Variants in ARAP2 observed in about 807,000 individuals in gnomAD.
The protein encoded by ARAP2 is ArfGAP with RhoGAP domain, ankyrin repeat and PH domain 2, also known as arf-GAP with Rho-GAP domain, ANK repeat and PH domain-containing protein 2.
A neutral mutation model predicts 194.5 loss-of-function variants in ARAP2; 148 were observed. That is an observed-to-expected ratio of 0.76 (90% CI 0.67 to 0.87). ARAP2 has a LOEUF of 0.87. ARAP2 is among the 40% of genes least tolerant of loss of function. ARAP2 has a pLI of 0.00. For synonymous variants in ARAP2, 695 were observed against 683.5 expected, an observed-to-expected ratio of 1.02 and a Z score of -0.26; for missense variants, 2,128 against 1,989.7, an observed-to-expected ratio of 1.07 and a Z score of -1.32.
intron 8 of ARAP2, among the ~76,000 whole-genome samples, chr4:36,014,646 GTTAT>G (rs1302150825): frequency 2.6e-5 from 4 of 152,134 alleles, no homozygotes; most frequent in African/African-American, 9.7e-5. Flanking sequence ...GGTAACAAAT[GTTAT>G]TTAAATAAAA....
At chr4:36,082,947 G>A (rs1010450078) in intron 29 of ARAP2, among the ~76,000 whole-genome samples, 3 of 152,116 alleles carry the variant, frequency 2.0e-5, no homozygotes, top group Non-Finnish European at 4.4e-5. Flanking sequence ...TACAGAGCCA[G>A]AACCAAAACA....
chr4:36,039,997 T>C (rs926990039), intron 5 of ARAP2, among the ~76,000 whole-genome samples: 2 of 152,152 alleles, frequency 1.3e-5, no homozygotes, highest in Non-Finnish European at 2.9e-5. Context: ...GAGACCACCA[T>C]TAGAAGAAGT....
At chr4:36,158,452 A>C (rs1733104647) in intron 15 of ARAP2, among the ~76,000 whole-genome samples, 1 of 152,188 alleles carries the variant, frequency 6.6e-6, no homozygotes, top group Non-Finnish European at 1.5e-5. Context: ...GCTGAGTTAT[A>C]AAGGAATAAC....
rs1003710413 is a variant in ARAP2, at chr4:36,140,311, C to A, written c.3264-6922G>T. 2.6e-5 allele frequency among the ~76,000 whole-genome samples: 4 copies of A among 151,670 alleles called. No individual in the cohort carries two copies. In the South Asian group the frequency reaches 6.2e-4, roughly 24 times the overall value. On this transcript the variant is annotated intron_variant, in intron 19 of 32. Coordinates refer to ENST00000303965, the MANE Select transcript of ARAP2 (RefSeq NM_015230.4). ...CAAAATTGTTGAAGCAAATAATACACGTTTTAAAATCTACCTTTTGTTAAT... is the reference window on the plus strand; with the variant it reads ...CAAAATTGTTGAAGCAAATAATACAAGTTTTAAAATCTACCTTTTGTTAAT...
intron 1 of ARAP2, among the ~76,000 whole-genome samples, chr4:36,059,056 A>G (rs1261780616): frequency 6.6e-6 from 1 of 152,200 alleles, no homozygotes; most frequent in African/African-American, 2.4e-5. Flanking sequence ...ATGCCTAGTG[A>G]TGCTGAGGAA....
At chr4:36,055,023 TTA>T (rs772684216) in intron 2 of ARAP2, among the ~76,000 whole-genome samples, 6 of 152,218 alleles carry the variant, frequency 3.9e-5, no homozygotes, top group Non-Finnish European at 8.8e-5. Context: ...TGATTGCAGG[TTA>T]TGTCTTTTAA....
Position 36,167,049 on chromosome 4 carries a change from T to C in ARAP2, c.1858-2A>G. ...AATACCAAGTCCACTCTTAAAATCC[T>C]AGTTTGGAGAAAAACATAAAAAACT... On this transcript the variant is annotated splice_acceptor_variant, in intron 9 of 32. Coordinates refer to ENST00000303965, the MANE Select transcript of ARAP2 (RefSeq NM_015230.4). LOFTEE classifies it high-confidence loss of function. 1 of 1,486,284 alleles carries C rather than the reference T, an allele frequency of 6.7e-7. No individual in the cohort carries two copies. Among genetic ancestry groups the C allele is most frequent in the Non-Finnish European group, 9.1e-7 (1 of 1,096,966 alleles). 92.1% of individuals were successfully genotyped at this position (1,486,284 alleles called of 1,614,324 possible). A position where few individuals can be genotyped will look rare whatever the true frequency, so the allele number is the denominator to read the frequency against.
At chr4:36,158,961 A>G (rs899730069) in intron 14 of ARAP2, 97 bp from the exon 15 acceptor site, 1 of 1,148,368 alleles carries the variant, frequency 8.7e-7, no homozygotes, top group Admixed American at 3.2e-5. Context: ...TAGAAGAAAA[A>G]CTACTTCAAA....
intron 18 of ARAP2, 49 bp downstream of exon 18, chr4:36,147,499 T>C (rs760537358): frequency 1.3e-5 from 20 of 1,581,486 alleles, no homozygotes; most frequent in South Asian, 6.9e-5. Context: ...CACTATTGTA[T>C]GCAATAAAGA....
At chr4:36,221,286 T>A (rs1749111196) in intron 2 of ARAP2, among the ~76,000 whole-genome samples, 1 of 152,106 alleles carries the variant, frequency 6.6e-6, no homozygotes, top group Non-Finnish European at 1.5e-5. Context: ...TTTCTCAGAA[T>A]GTGTGGCCAT....
At chr4:36,213,580 C>T (rs1480688739) in intron 3 of ARAP2, among the ~76,000 whole-genome samples, 1 of 152,062 alleles carries the variant, frequency 6.6e-6, no homozygotes, top group Non-Finnish European at 1.5e-5. Context: ...ACATGTCCTT[C>T]CCAACCTCTA....
At chr4:36,142,561 T>C (rs1199090788) in intron 19 of ARAP2, among the ~76,000 whole-genome samples, 3 of 151,488 alleles carry the variant, frequency 2.0e-5, no homozygotes, top group Non-Finnish European at 4.4e-5. Flanking sequence ...TCCAAATCAC[T>C]TATCTTATGG....
intron 5 of ARAP2, among the ~76,000 whole-genome samples, chr4:36,040,559 C>T (rs1277277899): frequency 1.3e-5 from 2 of 151,992 alleles, no homozygotes; most frequent in Admixed American, 1.3e-4. Context: ...GGTCTTTTAC[C>T]TCCCTGGTTA....
chr4:36,192,170 T>G (rs1352921986), intron 7 of ARAP2, among the ~76,000 whole-genome samples: 6 of 3,756 alleles, frequency 1.6e-3, no homozygotes, highest in Non-Finnish European at 3.2e-3. Flanking sequence ...GTGTTTCTGT[T>G]TTTTTTTTTT....
At chr4:36,125,447 G>T (rs1298313238) in intron 21 of ARAP2, among the ~76,000 whole-genome samples, 1 of 151,900 alleles carries the variant, frequency 6.6e-6, no homozygotes, top group African/African-American at 2.4e-5. Context: ...CCAAAGCTAT[G>T]AACTATCCTG....
chr4:36,134,803 G>C (rs1726280675), intron 19 of ARAP2, among the ~76,000 whole-genome samples: 1 of 150,910 alleles, frequency 6.6e-6, no homozygotes, highest in African/African-American at 2.4e-5. Context: ...TCTTTGGCTG[G>C]CTACTCCAAA....
intron 2 of ARAP2, among the ~76,000 whole-genome samples, chr4:36,221,911 T>C (rs1291615002): frequency 1.3e-5 from 2 of 152,130 alleles, no homozygotes; most frequent in African/African-American, 4.8e-5. Flanking sequence ...AAGTAGGACT[T>C]GGTATCCTAA....
intron 5 of ARAP2, among the ~76,000 whole-genome samples, chr4:36,038,942 C>T (rs764734470): frequency 7.9e-5 from 12 of 152,146 alleles, no homozygotes; most frequent in Non-Finnish European, 1.6e-4. Context: ...TGTAAAATTT[C>T]CCCAATATCA....
chr4:36,082,296 A>G lies in ARAP2; in HGVS notation c.4509-10T>C. Reference sequence around the variant, plus strand: ...TGCGGTCAATCCCCAGCTGCATCACATAGAAAAAAAAACACACATAAATTA... The same window carrying G: ...TGCGGTCAATCCCCAGCTGCATCACGTAGAAAAAAAAACACACATAAATTA... On this transcript the variant is annotated splice_polypyrimidine_tract_variant and intron_variant, in intron 29 of 32. Transcript: ENST00000303965. 1 of 1,606,102 alleles carries G rather than the reference A, an allele frequency of 6.2e-7. No individual in the cohort carries two copies. Among genetic ancestry groups the G allele is most frequent in the Non-Finnish European group, 8.5e-7 (1 of 1,177,056 alleles).
Sources: gnomAD v4.1 joint callset for allele counts (sites outside exome capture counted in the v4.1 genomes callset) on GRCh38, gnomAD v4.1.1 for gene constraint, MANE v1.5 for transcripts, NCBI Gene and HGNC (gene_info 2026-07-23, HGNC 2026-07-21) for gene names.